GLOD4: variants seen among roughly 807,000 people sequenced by gnomAD.
GLOD4 encodes glyoxalase domain-containing protein 4.
In GLOD4, 44 loss-of-function variants were observed where a neutral mutation model predicts 39.1. That is an observed-to-expected ratio of 1.13 (90% CI 0.88 to 1.45). GLOD4 has a LOEUF of 1.45. Among genes scored for constraint, GLOD4 ranks in the 40% most tolerant of loss-of-function variants. GLOD4 has a pLI of 0.00. For synonymous variants in GLOD4, 145 were observed against 135.0 expected (o/e 1.07, Z -0.52); for missense variants, 405 against 366.4 (o/e 1.11, Z -0.86).
At chr17:760,884 C>T (rs1306604154) in intron 8 of GLOD4, among the ~76,000 whole-genome samples, 1 of 152,150 alleles carries the variant, frequency 6.6e-6, no homozygotes, top group Non-Finnish European at 1.5e-5. Context: ...CTCAGGAATT[C>T]GAGTTCAGCC....
chr17:775,720 C>T, intron 4 of GLOD4, 55 bp downstream of exon 4: 10 of 1,469,764 alleles, frequency 6.8e-6, no homozygotes, highest in Non-Finnish European at 9.5e-6. Flanking sequence ...CCCTCACTCT[C>T]CTTTCACCAA....
At chr17:761,792 T>C (rs1185691386) in intron 8 of GLOD4, among the ~76,000 whole-genome samples, 1 of 152,076 alleles carries the variant, frequency 6.6e-6, no homozygotes, top group Admixed American at 6.5e-5. Context: ...GGGTGAGCCA[T>C]CGCGCCCGGC....
upstream of GLOD4, chr17:782,964 A>G: frequency 2.1e-6 from 3 of 1,401,480 alleles, no homozygotes; most frequent in Non-Finnish European, 1.9e-6. Context: ...CTGGGATTAC[A>G]GGCGTGAGCC....
At chr17:760,963 CA>C (rs1419014948) in intron 8 of GLOD4, among the ~76,000 whole-genome samples, 1 of 152,158 alleles carries the variant, frequency 6.6e-6, no homozygotes, top group African/African-American at 2.4e-5. Flanking sequence ...ATGAATAATA[CA>C]AAGCCTTAAC....
At chr17:777,011 C>T in intron 2 of GLOD4, 23 bp from the exon 3 acceptor site, 1 of 1,610,628 alleles carries the variant, frequency 6.2e-7, no homozygotes, top group Non-Finnish European at 8.5e-7. Flanking sequence ...AGTAAATGAA[C>T]TCAGTGACTA....
In GLOD4 at chr17:770,137, C is replaced by T. The variant is rs760823386; in HGVS notation, c.651G>A (p.Leu217=). 15 of 1,610,198 alleles carry T rather than the reference C, an allele frequency of 9.3e-6. No homozygotes were observed. The highest frequency in any genetic ancestry group is 1.7e-4 in the Middle Eastern group (1 of 6,048). The change falls in exon 7 of 9, where the codon TTG becomes TTA. Residue 217 remains leucine (L), a synonymous_variant. Coordinates refer to ENST00000301329, the MANE Select transcript of GLOD4 (RefSeq NM_016080.4). ...GAATCTTCTGGTTCTCCCTTTTCAT[C>T]AAGTCTTCTAAGTCTGGCAACTTGA... ...PQKELPDLED[L]MKRENQKILT... is the part of the protein sequence containing the mutation.
chr17:775,898 G>A lies in GLOD4; in HGVS notation c.283C>T (p.Gln95Ter), dbSNP rs754346225. Residue 95 changes from glutamine (Q) to a stop codon, truncating the protein, a stop_gained, in exon 4 of 9, where the codon CAG becomes TAG. Coordinates refer to ENST00000301329, the MANE Select transcript of GLOD4 (RefSeq NM_016080.4). LOFTEE classifies it high-confidence loss of function. ...AGCTTCCTGGCGTTGCTGACAGCCT[G>A]GCTAGAAGCGAGCGTGATTCCCTAC... ...DFMGITLASS[Q>*]AVSNARKLEW... 1 of 1,613,390 alleles carries A rather than the reference G, an allele frequency of 6.2e-7. No homozygotes were observed. The highest frequency in any genetic ancestry group is 2.2e-5 in the East Asian group (1 of 44,880).
At chr17:764,597 C>G (rs1377661006) in intron 8 of GLOD4, 1 of 151,824 alleles carries the variant, frequency 6.6e-6, no homozygotes, top group African/African-American at 2.4e-5. Context: ...AGAAATAAAC[C>G]AAATGTCCAC....
chr17:779,790 C>A (rs138194570), intron 1 of GLOD4, among the ~76,000 whole-genome samples: 1 of 152,196 alleles, frequency 6.6e-6, no homozygotes, highest in African/African-American at 2.4e-5. Flanking sequence ...GGGCTCTCAA[C>A]GTGTTAGCTT....
chr17:764,742 C>G (rs911778109), intron 8 of GLOD4: 2 of 151,424 alleles, frequency 1.3e-5, no homozygotes, highest in East Asian at 4.2e-4. Context: ...GGCGCGGTGG[C>G]TCACACCTGT....
chr17:769,821 C>T (rs762634820), intron 8 of GLOD4, 48 bp downstream of exon 8: 2 of 1,070,578 alleles, frequency 1.9e-6, no homozygotes, highest in Admixed American at 1.7e-5. Flanking sequence ...ACACTTAATG[C>T]CATCCCTCTC....
intron 1 of GLOD4, chr17:781,866 C>A (rs1291406743): frequency 2.4e-6 from 1 of 420,046 alleles, no homozygotes; most frequent in Non-Finnish European, 4.2e-6. Context: ...TATTTACCGT[C>A]TTTTCCGGTA....
In GLOD4 at chr17:760,128, T is replaced by TG. The variant is rs1905198714; in HGVS notation, c.*44dup. The TG allele has an allele frequency of 9.0e-7, 1 of 1,108,392 alleles. No individual in the cohort carries two copies. The highest frequency in any genetic ancestry group is 1.5e-5 in the African/African-American group (1 of 65,474). The allele number at this position is 1,108,392 out of a possible 1,614,324, so 68.7% of individuals were successfully genotyped here. A position where few individuals can be genotyped will look rare whatever the true frequency, so the allele number is the denominator to read the frequency against. ...GAACTGACACGTCAGGCCTCACAGG[T>TG]GCTGGGCAGGAATCACAGAGGCTTG... On this transcript the variant is annotated 3_prime_UTR_variant, in exon 9 of 9. Coordinates refer to ENST00000301329, the MANE Select transcript of GLOD4 (RefSeq NM_016080.4).
upstream of GLOD4, chr17:782,661 G>GA (rs748717861): frequency 6.8e-6 from 11 of 1,610,836 alleles, no homozygotes; most frequent in African/African-American, 1.3e-5. Context: ...GCTTCGCTAC[G>GA]ATAAAGCTTA....
chr17:785,721 T>TA (rs1248149902), upstream of GLOD4, among the ~76,000 whole-genome samples: 4 of 152,246 alleles, frequency 2.6e-5, no homozygotes, highest in Non-Finnish European at 5.9e-5. Context: ...AAGGGGTTGT[T>TA]ACTTTGATGC....
intron 8 of GLOD4, chr17:764,350 A>G (rs1305200783): frequency 1.3e-5 from 2 of 152,244 alleles, no homozygotes; most frequent in African/African-American, 2.4e-5. Context: ...CGCATGTGCT[A>G]GAATAGCTAA....
At chr17:774,181 A>T (rs1908483255) in intron 4 of GLOD4, among the ~76,000 whole-genome samples, 1 of 152,226 alleles carries the variant, frequency 6.6e-6, no homozygotes, top group Non-Finnish European at 1.5e-5. Context: ...TCTCTCCACG[A>T]GTCCCACACA....
chr17:771,488 C>G, intron 4 of GLOD4, 27 bp from the exon 5 acceptor site: 2 of 1,383,172 alleles, frequency 1.4e-6, no homozygotes, highest in Non-Finnish European at 2.0e-6. Context: ...CAGGAATAGA[C>G]AGATCAATTT....
At chr17:770,617 C>A in intron 5 of GLOD4, 110 bp from the exon 6 acceptor site, 1 of 665,936 alleles carries the variant, frequency 1.5e-6, no homozygotes. Context: ...AAAACTGAGT[C>A]TCTATCCTAC....
Sources: gnomAD v4.1 joint callset for allele counts (sites outside exome capture counted in the v4.1 genomes callset) on GRCh38, gnomAD v4.1.1 for gene constraint, MANE v1.5 for transcripts, NCBI Gene and HGNC (gene_info 2026-07-23, HGNC 2026-07-21) for gene names.